RAB30: variants seen among roughly 807,000 people sequenced by gnomAD.
RAB30 encodes RAB30, member RAS oncogene family.
Under a neutral mutation model 25.1 loss-of-function variants are expected in RAB30, and 9 were observed. That is an observed-to-expected ratio of 0.36 (90% CI 0.22 to 0.63). The LOEUF (loss-of-function observed/expected upper bound fraction) is 0.63, where lower values mean the gene tolerates loss of function less well. RAB30 is among the 20% of genes least tolerant of loss of function. The probability of loss-of-function intolerance (pLI) is 0.69; values close to 1 mark genes in which losing one functional copy is unlikely to be tolerated. For synonymous variants in RAB30, 77 were observed against 86.4 expected, an observed-to-expected ratio of 0.89 and a Z score of 0.60; for missense variants, 140 against 243.5, an observed-to-expected ratio of 0.58 and a Z score of 2.83.
chr11:83,034,611 G>C (rs1170801727), intron 1 of RAB30: 1 of 152,138 alleles, frequency 6.6e-6, no homozygotes, highest in Non-Finnish European at 1.5e-5. Context: ...TTCTGCCAAA[G>C]CTCTCTGCCC....
intron 1 of RAB30, among the ~76,000 whole-genome samples, chr11:83,044,116 G>A (rs1858188411): frequency 6.6e-6 from 1 of 152,134 alleles, no homozygotes; most frequent in African/African-American, 2.4e-5. Flanking sequence ...ACGTGGGCAG[G>A]TCTTTGAATT....
chr11:83,068,560 C>T (rs1156588754), intron 1 of RAB30, among the ~76,000 whole-genome samples: 1 of 152,124 alleles, frequency 6.6e-6, no homozygotes, highest in Non-Finnish European at 1.5e-5. Context: ...CAAAATACAC[C>T]TGTAGCTCAA....
chr11:83,012,864 C>T (rs537469627), intron 1 of RAB30, among the ~76,000 whole-genome samples: 2 of 152,264 alleles, frequency 1.3e-5, no homozygotes, highest in East Asian at 1.9e-4. Context: ...GCTATGATCA[C>T]GCAGTCTTGC....
intron 1 of RAB30, chr11:83,039,050 GA>G (rs1365127331): frequency 3.3e-5 from 5 of 151,888 alleles, no homozygotes; most frequent in Admixed American, 1.3e-4. Context: ...CACAAATTAG[GA>G]AAAAACAAAC....
chr11:82,998,554 A>T (rs1200726352), intron 1 of RAB30, among the ~76,000 whole-genome samples: 2 of 151,596 alleles, frequency 1.3e-5, no homozygotes, highest in African/African-American at 4.9e-5. Flanking sequence ...TCTAAAAAAA[A>T]AAAAAAAAAA....
intron 1 of RAB30, among the ~76,000 whole-genome samples, chr11:83,061,702 TTTC>T (rs1303712673): frequency 7.8e-6 from 1 of 128,478 alleles, no homozygotes; most frequent in African/African-American, 2.9e-5. Flanking sequence ...GATTTTTTTC[TTTC>T]TTTTCTTTTT....
chr11:83,065,252 T>C (rs1342326542), intron 1 of RAB30, among the ~76,000 whole-genome samples: 2 of 152,084 alleles, frequency 1.3e-5, no homozygotes, highest in Non-Finnish European at 2.9e-5. Flanking sequence ...TAGTCAGGCA[T>C]GGTGGTGCAC....
intron 1 of RAB30, among the ~76,000 whole-genome samples, chr11:83,024,742 G>T (rs1023852151): frequency 2.6e-5 from 4 of 152,190 alleles, no homozygotes; most frequent in African/African-American, 7.2e-5. Context: ...ACACTGAAAT[G>T]CTACTGTTAC....
chr11:82,987,476 A>G, intron 4 of RAB30, 111 bp downstream of exon 4: 3 of 1,097,422 alleles, frequency 2.7e-6, no homozygotes. Context: ...GACTGCATGA[A>G]TTATTAGCTA....
chr11:82,994,481 G>A (rs1352095105), intron 2 of RAB30, among the ~76,000 whole-genome samples: 4 of 152,142 alleles, frequency 2.6e-5, no homozygotes, highest in African/African-American at 4.8e-5. Context: ...AAGGGCATGC[G>A]ACCACAGGGA....
At chr11:82,994,989 T>G (rs1258484694) in intron 2 of RAB30, among the ~76,000 whole-genome samples, 1 of 152,202 alleles carries the variant, frequency 6.6e-6, no homozygotes, top group Non-Finnish European at 1.5e-5. Flanking sequence ...AACTGGAAAC[T>G]TAACCAGAAA....
intron 1 of RAB30, among the ~76,000 whole-genome samples, chr11:83,062,568 T>A (rs1858606628): frequency 6.6e-6 from 1 of 152,242 alleles, no homozygotes; most frequent in Non-Finnish European, 1.5e-5. Flanking sequence ...AAGACTAGTA[T>A]GAACTTGCTC....
chr11:83,044,433 A>T (rs1003747210), intron 1 of RAB30, among the ~76,000 whole-genome samples: 2 of 152,220 alleles, frequency 1.3e-5, no homozygotes, highest in African/African-American at 4.8e-5. Flanking sequence ...CAGCTTTATT[A>T]TGCCATATAG....
chr11:82,991,565 T>G (rs540357953), intron 3 of RAB30, among the ~76,000 whole-genome samples: 1 of 151,374 alleles, frequency 6.6e-6, no homozygotes, highest in South Asian at 2.1e-4. Flanking sequence ...TTCTGCCCTC[T>G]TCTAAGAAAG....
intron 1 of RAB30, among the ~76,000 whole-genome samples, chr11:83,045,953 C>CAATATTAAATATTAATATTTAATT (rs1858224346): frequency 6.6e-6 from 1 of 152,166 alleles, no homozygotes; most frequent in Non-Finnish European, 1.5e-5. Context: ...AAAATCTCTT[C>CAATATTAAATATTAATATTTAATT]AAGCTCTGGA....
Position 82,997,330 on chromosome 11 carries a change from A to T in RAB30, c.-8-6T>A. On this transcript the variant is annotated splice_polypyrimidine_tract_variant and splice_region_variant and intron_variant, in intron 1 of 4. Coordinates refer to ENST00000527633, the MANE Select transcript of RAB30 (RefSeq NM_001286060.2). The stretch of plus-strand genomic sequence containing the variant: ...TTCCATACTCATTTACACAGCTGCA[A>T]GGCAAACACAGGCAAAAGTGAGAAA... 6.4e-7 allele frequency: 1 copy of T among 1,563,270 alleles called. No homozygotes were observed. Among genetic ancestry groups the T allele is most frequent in the South Asian group, 1.1e-5 (1 of 89,870 alleles).
At chr11:83,029,364 T>TC (rs539109779) in intron 1 of RAB30, among the ~76,000 whole-genome samples, 3 of 151,712 alleles carry the variant, frequency 2.0e-5, no homozygotes, top group East Asian at 1.9e-4. Flanking sequence ...TCTATCCCTT[T>TC]CCCCCCCTAT....
At chr11:83,002,163 T>G (rs532185041) in intron 1 of RAB30, among the ~76,000 whole-genome samples, 2 of 152,312 alleles carry the variant, frequency 1.3e-5, no homozygotes, top group Non-Finnish European at 1.5e-5. Flanking sequence ...CTCTCTGTCA[T>G]GAGGGCTAGA....
chr11:83,001,278 T>C (rs888901501), intron 1 of RAB30, among the ~76,000 whole-genome samples: 1 of 152,114 alleles, frequency 6.6e-6, no homozygotes, highest in Non-Finnish European at 1.5e-5. Context: ...ATGGATCAAG[T>C]GATCCTCCTG....
Sources: gnomAD v4.1 joint callset for allele counts (sites outside exome capture counted in the v4.1 genomes callset) on GRCh38, gnomAD v4.1.1 for gene constraint, MANE v1.5 for transcripts, NCBI Gene and HGNC (gene_info 2026-07-23, HGNC 2026-07-21) for gene names.